Variants in TSC2 observed in about 807,000 individuals in gnomAD.
TSC2 encodes the protein TSC complex subunit 2, also known as tuberin.
In TSC2, 29 loss-of-function variants were observed where a neutral mutation model predicts 202.2. That is an observed-to-expected ratio of 0.14 (90% confidence interval 0.11 to 0.20). The LOEUF is 0.20. Ranked by LOEUF, TSC2 falls within the 10% of genes least tolerant of loss-of-function variation. TSC2 has a pLI of 1.00. For missense variants in TSC2, 2,429 were observed against 2,420.0 expected, an observed-to-expected ratio of 1.00 and a Z score of -0.08; for synonymous variants, 1,349 against 1,044.0, an observed-to-expected ratio of 1.29 and a Z score of -5.63.
intron 16 of TSC2, among the ~76,000 whole-genome samples, chr16:2,069,399 C>G (rs560261621): frequency 1.3e-5 from 2 of 152,254 alleles, no homozygotes; most frequent in East Asian, 3.9e-4. Flanking sequence ...TCACTGCAAC[C>G]TCCGCCTCCT....
rs974522875 is a variant in TSC2, at chr16:2,060,855, G to C, written c.1119+42G>C. The C allele has an allele frequency of 5.6e-6, 9 of 1,609,044 alleles. No homozygotes were observed. In the Admixed American group the frequency reaches 1.2e-4, roughly 21 times the overall value. ...AGCTCCGGGGAGCACCGGGAACCCA[G>C]ACAGGCAGGCTCGGCCCACTCAGAA... On this transcript the variant is annotated intron_variant, in intron 11 of 41. Coordinates refer to ENST00000219476, the MANE Select transcript of TSC2 (RefSeq NM_000548.5).
intron 17 of TSC2, 33 bp from the exon 18 acceptor site, chr16:2,071,477 T>C (rs767772601): frequency 5.6e-6 from 9 of 1,612,004 alleles, no homozygotes; most frequent in Non-Finnish European, 7.6e-6. Context: ...TGCACGAGCT[T>C]GGCTCTGGCT....
chr16:2,069,198 TC>T (rs1055154912), intron 16 of TSC2, among the ~76,000 whole-genome samples: 2 of 152,216 alleles, frequency 1.3e-5, no homozygotes, highest in African/African-American at 4.8e-5. Context: ...CATGTGGCCT[TC>T]CCAGAATGGG....
At chr16:2,070,967 TGGAGA>T (rs2088249050) in intron 17 of TSC2, among the ~76,000 whole-genome samples, 1 of 149,572 alleles carries the variant, frequency 6.7e-6, no homozygotes, top group African/African-American at 2.5e-5. Flanking sequence ...AGGGCAGGGC[TGGAGA>T]GGGCAGAGCT....
intron 9 of TSC2, among the ~76,000 whole-genome samples, chr16:2,058,097 G>C (rs1442639900): frequency 5.0e-5 from 6 of 120,574 alleles, no homozygotes. Flanking sequence ...CCCTGCCTCA[G>C]CCCTGCATCT....
At chr16:2,060,559 T>C in intron 10 of TSC2, 111 bp from the exon 11 acceptor site, 1 of 1,568,804 alleles carries the variant, frequency 6.4e-7, no homozygotes. Flanking sequence ...AAACGTGTGG[T>C]GGGCACTGCG....
Position 2,070,471 on chromosome 16 carries a change from C to T in TSC2, c.1732C>T (p.Leu578=), listed in dbSNP as rs1204972424. The change falls in exon 17 of 42, where the codon CTG becomes TTG. Residue 578 remains leucine (L), a synonymous_variant. Transcript: ENST00000219476. ...LVILQTKLYT[L]PASHATRVYE... ...CTCTCTGCAGACCAAGCTGTACACC[C>T]TGCCTGCAAGCCACGCCACGCGTGT... 2 of 1,613,412 alleles carry T rather than the reference C, an allele frequency of 1.2e-6. No homozygotes were observed. Among genetic ancestry groups the T allele is most frequent in the Non-Finnish European group, 1.7e-6 (2 of 1,180,028 alleles).
chr16:2,079,899 C>A lies in TSC2; in HGVS notation c.3397+230C>A, dbSNP rs572894410. The stretch of plus-strand genomic sequence containing the variant: ...CTGCTCTGGGTGCTGGTGTTTCCTG[C>A]GGGTTTTCAGCTCGGCTCAGTCCTG... On this transcript the variant is annotated intron_variant, in intron 29 of 41. Coordinates refer to ENST00000219476, the MANE Select transcript of TSC2 (RefSeq NM_000548.5). The surrounding 1 kb of genome is among the most constrained non-coding windows in gnomAD (Gnocchi z 4.6). 2.6e-5 allele frequency among the ~76,000 whole-genome samples: 4 copies of A among 152,192 alleles called. No individual in the cohort carries two copies. Among genetic ancestry groups the A allele is most frequent in the Non-Finnish European group, 5.9e-5 (4 of 68,012 alleles).
In TSC2 at chr16:2,080,631, C is replaced by A. The variant is rs980324141; in HGVS notation, c.3610+254C>A. 40 of 509,338 alleles carry A rather than the reference C, an allele frequency of 7.9e-5. 1 individual carries two copies. The South Asian group carries it at 8.3e-4, about 11-fold the overall frequency. 31.6% of individuals were successfully genotyped at this position (509,338 alleles called of 1,614,324 possible). On this transcript the variant is annotated intron_variant, in intron 30 of 41. Transcript: ENST00000219476. ...CCCGAGTAGCTGGGACCACAGGCGC[C>A]CGCCACCACGCCTGGCCAATTTTTT... is the stretch of plus-strand genomic sequence containing the variant.
At chr16:2,071,974 G>T in intron 19 of TSC2, 40 bp downstream of exon 19, 3 of 1,541,324 alleles carry the variant, frequency 1.9e-6, no homozygotes, top group South Asian at 2.4e-5. Context: ...CCCACGTTGG[G>T]CCAGGAGGAC....
intron 15 of TSC2, chr16:2,064,700 G>A (rs2087080862): frequency 1.8e-6 from 1 of 546,000 alleles, no homozygotes. Flanking sequence ...CCCAGACCTG[G>A]GGCTGGGGCT....
Position 2,089,442 on chromosome 16 carries a change from G to A in TSC2, c.*832G>A, listed in dbSNP as rs545586456. ...CAGGGGGTGGGGCCGGGCACAGCCC[G>A]CTGTACCTGAGGACTCGGGGAAATA... is the stretch of plus-strand genomic sequence containing the variant. On this transcript the variant is annotated 3_prime_UTR_variant, in exon 42 of 42. Transcript: ENST00000219476. 37 of 506,718 alleles carry A rather than the reference G, an allele frequency of 7.3e-5. No individual in the cohort carries two copies. Among genetic ancestry groups the A allele is most frequent in the African/African-American group, 5.6e-4 (29 of 51,930 alleles). The allele number at this position is 506,718 out of a possible 1,614,324, so 31.4% of individuals were successfully genotyped here. A position where few individuals can be genotyped will look rare whatever the true frequency, so the allele number is the denominator to read the frequency against.
rs1420526276 is a variant in TSC2 at position 2,088,063 on chromosome 16, T to C, written c.5084T>C (p.Val1695Ala). The change falls in exon 40 of 42, where the codon GTG becomes GCG. Residue 1695 changes from valine to alanine, a missense_variant. Coordinates refer to ENST00000219476, the MANE Select transcript of TSC2 (RefSeq NM_000548.5). ...GTCTCCCCAGACATGGAGGGCCTTG[T>C]GGACACCAGCGTGGCCAAGATCGTG... ...LQCRKDMEGL[V>A]DTSVAKIVSD... 1.9e-6 allele frequency: 3 copies of C among 1,612,906 alleles called. No homozygotes were observed. The highest frequency in any genetic ancestry group is 1.1e-5 in the South Asian group (1 of 91,088).
At chr16:2,081,971 T>C (rs113663483) in intron 31 of TSC2, 173 bp downstream of exon 31, 49 of 934,116 alleles carry the variant, frequency 5.2e-5, no homozygotes, top group African/African-American at 4.7e-4. Context: ...CCGTGGGAGG[T>C]GTCTGCCCTG....
rs375617364 is a variant in TSC2, at chr16:2,081,584, C to T, written c.3611-11C>T. On this transcript the variant is annotated splice_polypyrimidine_tract_variant and intron_variant, in intron 30 of 41. Transcript: ENST00000219476. ...ACTGGCCTCAGGCCAAAGGTGCTGC[C>T]GCCTCCGCAGGGAACACCAGCTGGC... The T allele has an allele frequency of 7.5e-5, 121 of 1,612,730 alleles. No homozygotes were observed. The highest frequency in any genetic ancestry group is 1.2e-4 in the African/African-American group (9 of 74,942).
intron 21 of TSC2, 103 bp downstream of exon 21, chr16:2,073,086 C>T (rs1272582333): frequency 1.3e-6 from 2 of 1,555,796 alleles, no homozygotes; most frequent in Non-Finnish European, 1.7e-6. Context: ...TTCTGCCAGG[C>T]CAGGGATGAG....
intron 13 of TSC2, 181 bp from the exon 14 acceptor site, chr16:2,062,791 A>G (rs1295065440): frequency 4.5e-6 from 4 of 888,424 alleles, no homozygotes; most frequent in African/African-American, 3.3e-5. Context: ...TCATGACGCC[A>G]CTGGGCTCCC....
intron 4 of TSC2, 169 bp from the exon 5 acceptor site, chr16:2,054,127 C>T (rs1291010055): frequency 1.5e-5 from 16 of 1,087,480 alleles, no homozygotes; most frequent in Non-Finnish European, 2.0e-5. Flanking sequence ...CATCCGGCCC[C>T]CTGCCCTGTA....
At chr16:2,064,591 T>TC in intron 15 of TSC2, 164 bp downstream of exon 15, 3 of 1,000,926 alleles carry the variant, frequency 3.0e-6, no homozygotes, top group Non-Finnish European at 4.4e-6. Flanking sequence ...GTGCAGGGCC[T>TC]GCCACTGCTG....
Sources: allele counts gnomAD v4.1 joint callset (sites outside exome capture counted in the v4.1 genomes callset), GRCh38; gene constraint gnomAD v4.1.1; non-coding constraint Gnocchi (gnomAD v3.1); transcripts MANE v1.5; gene names NCBI Gene and HGNC (gene_info 2026-07-23, HGNC 2026-07-21).